FAM163A: variants seen among roughly 807,000 people sequenced by gnomAD.
FAM163A encodes protein FAM163A.
FAM163A carries 7 observed loss-of-function variants against 12.0 expected under a neutral mutation model. The ratio of observed to expected loss-of-function variants is 0.58; its 90% CI spans 0.33 to 1.10. FAM163A has a LOEUF of 1.10. FAM163A is among the 50% of genes least tolerant of loss of function. FAM163A has a pLI of 0.03. For synonymous variants in FAM163A, 101 were observed against 91.0 expected, an observed-to-expected ratio of 1.11 and a Z score of -0.62; for missense variants, 202 against 218.6, an observed-to-expected ratio of 0.92 and a Z score of 0.48.
At chr1:179,738,328 A>T (rs1683230237), upstream of FAM163A, among the ~76,000 whole-genome samples, 1 of 152,252 alleles carries the variant, frequency 6.6e-6, no homozygotes, top group Admixed American at 6.5e-5. Flanking sequence ...TGCACATTAT[A>T]TACTTGTATC....
At chr1:179,780,757 T>C (rs1246433435) in intron 1 of FAM163A, among the ~76,000 whole-genome samples, 1 of 152,238 alleles carries the variant, frequency 6.6e-6, no homozygotes, top group Non-Finnish European at 1.5e-5. Flanking sequence ...TGCTTTCTTA[T>C]GTTTGCCTAA....
intron 1 of FAM163A, among the ~76,000 whole-genome samples, chr1:179,805,021 A>G (rs1693726166): frequency 6.6e-6 from 1 of 152,216 alleles, no homozygotes; most frequent in Admixed American, 6.5e-5. Context: ...GTAAGTAACA[A>G]GCACTTTGTG....
chr1:179,813,817 C>CGAG lies in FAM163A; in HGVS notation c.142_144dup (p.Glu48dup). On this transcript the variant is annotated inframe_insertion, in exon 5 of 5. Transcript: ENST00000341785. ...AGAAGAGCGGAACCGAGGTTGCAGA[C>CGAG]GAGGAGGAGGAGCGGGAGCACGACC... The CGAG allele has an allele frequency of 6.2e-7, 1 of 1,613,972 alleles. No homozygotes were observed. Among genetic ancestry groups the CGAG allele is most frequent in the Non-Finnish European group, 8.5e-7 (1 of 1,180,010 alleles).
At chr1:179,769,900 CTTTTTTTTTTTTT>C (rs1196869449) in intron 1 of FAM163A, among the ~76,000 whole-genome samples, 2 of 97,136 alleles carry the variant, frequency 2.1e-5, no homozygotes, top group Admixed American at 1.3e-4. Flanking sequence ...ATCCCTAATT[CTTTTTTTTTTTTT>C]TTTTTTTTTT....
chr1:179,757,197 G>A (rs115414832), intron 1 of FAM163A, among the ~76,000 whole-genome samples: 1 of 152,274 alleles, frequency 6.6e-6, no homozygotes, highest in African/African-American at 2.4e-5. Flanking sequence ...GCAATGGGTT[G>A]TTTTTTAAGA....
Position 179,815,091 on chromosome 1 carries a change from A to C in FAM163A, c.*902A>C, listed in dbSNP as rs1695182783. On this transcript the variant is annotated 3_prime_UTR_variant, in exon 5 of 5. Transcript: ENST00000341785. ...GGTGTGCATAACCGTTCCCAGGTGTACGCACGCGCGCGCGCGCGCACAGAC... is the reference window on the plus strand; with the variant it reads ...GGTGTGCATAACCGTTCCCAGGTGTCCGCACGCGCGCGCGCGCGCACAGAC... 1 of 96,948 alleles carries C rather than the reference A, an allele frequency of 1.0e-5. No homozygotes were observed. Among genetic ancestry groups the C allele is most frequent in the African/African-American group, 7.0e-5 (1 of 14,258 alleles). The allele number at this position is 96,948 out of a possible 1,614,324, so 6.0% of individuals were successfully genotyped here. A position where few individuals can be genotyped will look rare whatever the true frequency, so the allele number is the denominator to read the frequency against.
At chr1:179,734,569 G>C in the FAM163A span, among the ~76,000 whole-genome samples, 1 of 152,160 alleles carries the variant, frequency 6.6e-6, no homozygotes, top group East Asian at 1.9e-4. Flanking sequence ...CTGATTCATG[G>C]ATGATTCCTT....
chr1:179,788,530 T>C (rs1690968583), intron 1 of FAM163A, among the ~76,000 whole-genome samples: 2 of 152,156 alleles, frequency 1.3e-5, no homozygotes, highest in Non-Finnish European at 2.9e-5. Context: ...CCAGATAAAC[T>C]CAATGTGAAG....
In FAM163A at chr1:179,813,761, C is replaced by G; in HGVS notation, c.94-18C>G. 3 of 1,613,546 alleles carry G rather than the reference C, an allele frequency of 1.9e-6. No individual in the cohort carries two copies. Among genetic ancestry groups the G allele is most frequent in the South Asian group, 1.1e-5 (1 of 91,056 alleles). On this transcript the variant is annotated intron_variant, in intron 4 of 4. Transcript: ENST00000341785. ...GGAGCATTCACCCTCTCAGGCATCC[C>G]TCTGCCCTTCCGCACAGTATTACTG...
intron 1 of FAM163A, among the ~76,000 whole-genome samples, chr1:179,776,040 T>C (rs771168708): frequency 1.3e-5 from 2 of 152,076 alleles, no homozygotes; most frequent in Non-Finnish European, 2.9e-5. Context: ...TTGTTACATA[T>C]GAGGGTTTGG....
the FAM163A span, among the ~76,000 whole-genome samples, chr1:179,729,641 T>C: frequency 2.6e-5 from 4 of 152,220 alleles, no homozygotes; most frequent in East Asian, 5.8e-4. Flanking sequence ...TGAATCTAGC[T>C]ATCAGAGTAG....
rs533393438 is a variant in FAM163A, at chr1:179,779,768, G to A, written c.-135-28030G>A. Among the ~76,000 whole-genome samples the A allele has an allele frequency of 3.9e-5, 6 of 152,320 alleles. No homozygotes were observed. In the South Asian group the frequency reaches 1.0e-3, roughly 26 times the overall value. ...CAGGGCATTCATAAAGATCAGTGGA[G>A]CTTTAACTCTGGGAATCCACGTGAA... On this transcript the variant is annotated intron_variant, in intron 1 of 4. Transcript: ENST00000341785.
intron 1 of FAM163A, among the ~76,000 whole-genome samples, chr1:179,753,448 C>A (rs931404257): frequency 6.6e-6 from 1 of 152,044 alleles, no homozygotes; most frequent in Non-Finnish European, 1.5e-5. Context: ...AGTATTCTTA[C>A]CATAATTTTT....
At chr1:179,762,845 A>G (rs1238992428) in intron 1 of FAM163A, among the ~76,000 whole-genome samples, 10 of 152,238 alleles carry the variant, frequency 6.6e-5, no homozygotes. Context: ...AGGCGACATG[A>G]TGATGGTCCT....
intron 3 of FAM163A, among the ~76,000 whole-genome samples, chr1:179,812,671 G>A (rs1317670098): frequency 1.3e-5 from 2 of 152,192 alleles, no homozygotes; most frequent in East Asian, 3.9e-4. Flanking sequence ...TAACTGCCCC[G>A]AAGGGTTATC....
chr1:179,772,448 A>C (rs1194859973), intron 1 of FAM163A, among the ~76,000 whole-genome samples: 2 of 152,194 alleles, frequency 1.3e-5, no homozygotes, highest in Non-Finnish European at 2.9e-5. Context: ...CTTAAAGTAG[A>C]CCAGCAGCAT....
At chr1:179,801,372 T>A (rs1399118838) in intron 1 of FAM163A, among the ~76,000 whole-genome samples, 1 of 151,570 alleles carries the variant, frequency 6.6e-6, no homozygotes, top group Non-Finnish European at 1.5e-5. Flanking sequence ...CCCACACAGC[T>A]CTCCAAGCCC....
chr1:179,799,742 C>G (rs1170322711), intron 1 of FAM163A, among the ~76,000 whole-genome samples: 1 of 152,242 alleles, frequency 6.6e-6, no homozygotes, highest in Non-Finnish European at 1.5e-5. Context: ...CTGGCCTCAG[C>G]ACTGGCCTCT....
chr1:179,772,970 C>T (rs535590641), intron 1 of FAM163A, among the ~76,000 whole-genome samples: 35 of 150,156 alleles, frequency 2.3e-4, no homozygotes, highest in Admixed American at 1.9e-3. Flanking sequence ...GCAGCCTTCC[C>T]AAGAGACCCA....
Sources: allele counts gnomAD v4.1 joint callset (sites outside exome capture counted in the v4.1 genomes callset), GRCh38; gene constraint gnomAD v4.1.1; transcripts MANE v1.5; gene names NCBI Gene and HGNC (gene_info 2026-07-23, HGNC 2026-07-21).